Variants in PRH1 observed in about 807,000 individuals in gnomAD.
PRH1 encodes the protein proline rich protein HaeIII subfamily 1.
In PRH1, 7 loss-of-function variants were observed where a neutral mutation model predicts 7.9. The observed-to-expected ratio is 0.89, with a 90% CI of 0.50 to 1.67. The LOEUF is 1.67. PRH1 is among the 40% of genes most tolerant of loss of function. The pLI is 0.00. For missense variants in PRH1, 109 were observed against 223.6 expected, an observed-to-expected ratio of 0.49 and a Z score of 3.27; for synonymous variants, 45 against 80.8, an observed-to-expected ratio of 0.56 and a Z score of 2.38.
chr12:10,956,694 T>G (rs1937980699), intron 2 of PRH1, among the ~76,000 whole-genome samples: 1 of 152,148 alleles, frequency 6.6e-6, no homozygotes, highest in African/African-American at 2.4e-5. Context: ...AAAATCTCCT[T>G]GGTCTGATAA....
At chr12:11,149,144 AT>A (rs1313426140) in intron 1 of PRH1, among the ~76,000 whole-genome samples, 6 of 151,508 alleles carry the variant, frequency 4.0e-5, no homozygotes, top group Admixed American at 4.0e-4. Context: ...CCCCTTTATT[AT>A]TTTTTATTGT....
rs1938365938 is a variant in PRH1 at position 10,963,709 on chromosome 12, A to G, written c.-59+9946T>C. 5.3e-5 allele frequency among the ~76,000 whole-genome samples: 8 copies of G among 152,056 alleles called. No homozygotes were observed. In the South Asian group the frequency reaches 1.4e-3, roughly 28 times the overall value. Reference sequence around the variant, plus strand: ...GTTTCTTTCTTCATCCCTATTACAGATATGACTTTTTTCTCAGTTGTTCAC... The same window carrying G: ...GTTTCTTTCTTCATCCCTATTACAGGTATGACTTTTTTCTCAGTTGTTCAC... On this transcript the variant is annotated intron_variant, in intron 2 of 3. Coordinates refer to the PRH1 transcript ENST00000539853.
intron 1 of PRH1, among the ~76,000 whole-genome samples, chr12:11,056,833 A>G (rs1446323639): frequency 6.6e-6 from 1 of 152,162 alleles, no homozygotes; most frequent in East Asian, 1.9e-4. Context: ...AACAACAACA[A>G]AAAAAGCAGA....
At chr12:11,149,867 T>G (rs1056597449) in intron 1 of PRH1, among the ~76,000 whole-genome samples, 2 of 136,448 alleles carry the variant, frequency 1.5e-5, no homozygotes, top group African/African-American at 5.2e-5. Flanking sequence ...GAAACTACCA[T>G]CAGAGTGAAC....
Position 10,997,882 on chromosome 12 carries a change from A to G in PRH1, c.-125-24161T>C, listed in dbSNP as rs115823717. The G allele has an allele frequency of 6.4e-4, 1,000 of 1,559,438 alleles. 6 individuals carry two copies. In the African/African-American group the frequency reaches 0.012, roughly 18 times the overall value. On this transcript the variant is annotated intron_variant, in intron 1 of 3. Transcript: ENST00000539853. ...TGTGTAGAAAACTCATCATGTCTAA[A>G]CAAAAAAGCAAGTAAAAAATTCAGG...
rs375347718 is a variant in PRH1, at chr12:11,092,402, T to C, written n.124-45214A>G. On this transcript the variant is annotated intron_variant and non_coding_transcript_variant, in intron 1 of 4. Coordinates refer to the PRH1 transcript ENST00000541977. ...AAAGAGTGAGCAACAGCAAGGTTTA[T>C]TGAGAAGAGAGAAAGGACAAAGCTT... is the stretch of plus-strand genomic sequence containing the variant. The C allele has an allele frequency of 2.5e-3, 875 of 349,128 alleles. 161 individuals carry two copies. The highest frequency in any genetic ancestry group is 0.024 in the South Asian group (827 of 34,792). The allele number at this position is 349,128 out of a possible 1,614,324, so 21.6% of individuals were successfully genotyped here. A position where few individuals can be genotyped will look rare whatever the true frequency, so the allele number is the denominator to read the frequency against.
At chr12:10,942,664 G>A (rs554403389) in intron 2 of PRH1, among the ~76,000 whole-genome samples, 12 of 152,284 alleles carry the variant, frequency 7.9e-5, no homozygotes, top group Admixed American at 3.9e-4. Flanking sequence ...TAGGACTTTA[G>A]TTCTTCCCCT....
At chr12:11,025,985 A>AGTATG (rs1361337495) in intron 1 of PRH1, among the ~76,000 whole-genome samples, 19 of 151,528 alleles carry the variant, frequency 1.3e-4, no homozygotes, top group South Asian at 2.1e-4. Flanking sequence ...TTTTTGTTTT[A>AGTATG]CTCGATACTG....
At chr12:10,989,965 A>C (rs1391236513) in intron 1 of PRH1, among the ~76,000 whole-genome samples, 2 of 152,118 alleles carry the variant, frequency 1.3e-5, no homozygotes, top group Admixed American at 1.3e-4. Flanking sequence ...TAGTTATCTC[A>C]TCTAAATTTT....
intron 1 of PRH1, chr12:11,091,992 C>A (rs73064968): frequency 0.27 from 210,190 of 772,428 alleles, 77,052 homozygotes; most frequent in Non-Finnish European, 0.32. Context: ...GTAGTTCTTA[C>A]TTCTACACTA....
At chr12:10,910,065 A>G (rs1426901856) in intron 2 of PRH1, among the ~76,000 whole-genome samples, 4 of 152,180 alleles carry the variant, frequency 2.6e-5, no homozygotes, top group African/African-American at 7.2e-5. Context: ...ACAGCTACCA[A>G]AGAAAGCAGT....
chr12:11,077,380 T>C lies in PRH1; in HGVS notation n.124-30192A>G, dbSNP rs1441419152. Reference sequence around the variant, plus strand: ...CTGACATAAAACTGAAAGAAACGTCTGTTTTAGTTTCCTGCTTCCCATAAT... The same window carrying C: ...CTGACATAAAACTGAAAGAAACGTCCGTTTTAGTTTCCTGCTTCCCATAAT... On this transcript the variant is annotated intron_variant and non_coding_transcript_variant, in intron 1 of 4. Transcript: ENST00000541977. The C allele has an allele frequency of 1.6e-5, 7 of 449,788 alleles. 1 individual carries two copies. The highest frequency in any genetic ancestry group is 1.5e-4 in the African/African-American group (7 of 45,820). 27.9% of individuals were successfully genotyped at this position (449,788 alleles called of 1,614,324 possible).
intron 2 of PRH1, among the ~76,000 whole-genome samples, chr12:10,935,738 TC>T: frequency 1.3e-5 from 2 of 152,302 alleles, no homozygotes; most frequent in South Asian, 4.1e-4. Context: ...CCCAATATAT[TC>T]TTATTTCTTC....
chr12:11,031,832 A>G (rs1204833320), intron 1 of PRH1, among the ~76,000 whole-genome samples: 3 of 152,092 alleles, frequency 2.0e-5, no homozygotes, highest in Non-Finnish European at 4.4e-5. Flanking sequence ...CCAAGTCCCC[A>G]CTCGATTCAG....
At chr12:11,062,065 CT>C (rs1452425985) in intron 1 of PRH1, 1 of 1,613,664 alleles carries the variant, frequency 6.2e-7, no homozygotes, top group Non-Finnish European at 8.5e-7. Context: ...TACTTCTATA[CT>C]GTTAAAAGCT....
chr12:11,011,628 A>T (rs939758948), intron 1 of PRH1, among the ~76,000 whole-genome samples: 1 of 152,156 alleles, frequency 6.6e-6, no homozygotes, highest in Non-Finnish European at 1.5e-5. Flanking sequence ...CTAAACTGTC[A>T]TATGGAACTT....
intron 1 of PRH1, among the ~76,000 whole-genome samples, chr12:11,053,134 G>GC (rs1943223369): frequency 6.6e-6 from 1 of 152,264 alleles, no homozygotes; most frequent in Non-Finnish European, 1.5e-5. Flanking sequence ...TGCTCAAAGG[G>GC]AACTCAAAGA....
intron 2 of PRH1, among the ~76,000 whole-genome samples, chr12:10,946,116 T>C (rs1029099853): frequency 8.5e-5 from 13 of 152,158 alleles, no homozygotes; most frequent in African/African-American, 9.7e-5. Flanking sequence ...CCTCAGCTTA[T>C]GAAGATGATG....
intron 2 of PRH1, among the ~76,000 whole-genome samples, chr12:10,919,907 C>CT (rs34966041): frequency 0.52 from 75,276 of 145,394 alleles, 21,331 homozygotes; most frequent in East Asian, 0.71. Flanking sequence ...TTTTTTTAAT[C>CT]TTTTTTTTTT....
Sources: gnomAD v4.1 joint callset for allele counts (sites outside exome capture counted in the v4.1 genomes callset) on GRCh38, gnomAD v4.1.1 for gene constraint, MANE v1.5 for transcripts, NCBI Gene and HGNC (gene_info 2026-07-23, HGNC 2026-07-21) for gene names.